Variants in GABBR1 observed in about 807,000 individuals in gnomAD.
GABBR1 encodes the protein GABA-B receptor, R1 subunit.
GABBR1 carries 35 observed loss-of-function variants against 117.7 expected under a neutral mutation model. That is an observed-to-expected ratio of 0.30 (90% CI 0.23 to 0.39). GABBR1 has a LOEUF of 0.39. Ranked by LOEUF, GABBR1 falls within the 10% of genes least tolerant of loss-of-function variation. The pLI is 1.00. For missense variants in GABBR1, 709 were observed against 1,241.8 expected, an observed-to-expected ratio of 0.57 and a Z score of 6.45; for synonymous variants, 442 against 486.6, an observed-to-expected ratio of 0.91 and a Z score of 1.21.
In GABBR1 at chr6:29,608,727, G is replaced by C; in HGVS notation, c.1866C>G (p.Ile622Met). ...FNIYNSHVRY[I>M]QNSQPNLNNL... ...TGTTCAGGTTGGGCTGTGAGTTCTG[G>C]ATATAACTAGGGCAGAGGTGGAGAG... Residue 622 changes from isoleucine (I) to methionine (M), a missense_variant, in exon 16 of 23, where the codon ATC (isoleucine) becomes ATG (methionine). By Grantham distance (10) the Ile-to-Met change is conservative. Transcript: ENST00000377034. 1 of 1,613,028 alleles carries C rather than the reference G, an allele frequency of 6.2e-7. No homozygotes were observed. Among genetic ancestry groups the C allele is most frequent in the Non-Finnish European group, 8.5e-7 (1 of 1,179,988 alleles).
In GABBR1 at chr6:29,632,275, C is replaced by A. The variant is rs371656764; in HGVS notation, c.85+26G>T. On this transcript the variant is annotated intron_variant, in intron 2 of 22. Coordinates refer to ENST00000377034, the MANE Select transcript of GABBR1 (RefSeq NM_001470.4). The surrounding 1 kb of genome is among the most constrained non-coding windows in gnomAD (Gnocchi z 5.8). ...GAAAGGGAAGTGGAGCGAAGGAGGGCCGGAGGTCGTCGAAGAAGGATGCAC... is the reference window on the plus strand; with the variant it reads ...GAAAGGGAAGTGGAGCGAAGGAGGGACGGAGGTCGTCGAAGAAGGATGCAC... 2.0e-5 allele frequency: 27 copies of A among 1,331,608 alleles called. No individual in the cohort carries two copies. Among genetic ancestry groups the A allele is most frequent in the Non-Finnish European group, 2.6e-5 (26 of 1,017,234 alleles). 82.5% of individuals were successfully genotyped at this position (1,331,608 alleles called of 1,614,324 possible). A position where few individuals can be genotyped will look rare whatever the true frequency, so the allele number is the denominator to read the frequency against.
Position 29,606,819 on chromosome 6 carries a change from CA to C in GABBR1, c.2217+77del. The C allele has an allele frequency of 2.6e-6, 3 of 1,171,704 alleles. No homozygotes were observed. Among genetic ancestry groups the C allele is most frequent in the Non-Finnish European group, 3.7e-6 (3 of 811,406 alleles). 72.6% of individuals were successfully genotyped at this position (1,171,704 alleles called of 1,614,324 possible). ...CTCCAAGTAGCTTCATCCCTCAAGA[CA>C]CACACAGCCCCAGGGCCCTGATGGC... On this transcript the variant is annotated intron_variant, in intron 18 of 22. Transcript: ENST00000377034. The surrounding 1 kb of genome is among the most constrained non-coding windows in gnomAD (Gnocchi z 4.5).
At chr6:29,629,855 C>T (rs1352127782) in intron 4 of GABBR1, 1 of 152,592 alleles carries the variant, frequency 6.6e-6, no homozygotes. Context: ...CACTGATTCC[C>T]TTAGGGAATA....
At position 29,623,605 on chromosome 6, in the gene GABBR1, T is replaced by C; in HGVS notation, c.793-130A>G. Reference sequence around the variant, plus strand: ...TACTCTCTCCAAACCTCCCCACCTCTGGTCTGCCTAAGGAAAAGAGATTCT... The same window carrying C: ...TACTCTCTCCAAACCTCCCCACCTCCGGTCTGCCTAAGGAAAAGAGATTCT... On this transcript the variant is annotated intron_variant, in intron 7 of 22. Transcript: ENST00000377034. The surrounding 1 kb of genome is among the most constrained non-coding windows in gnomAD (Gnocchi z 6.2). The C allele has an allele frequency of 1.1e-6, 1 of 911,072 alleles. No homozygotes were observed. The highest frequency in any genetic ancestry group is 1.6e-6 in the Non-Finnish European group (1 of 609,758). The allele number at this position is 911,072 out of a possible 1,614,324, so 56.4% of individuals were successfully genotyped here.
At chr6:29,618,375 G>A (rs1427136946) in intron 11 of GABBR1, among the ~76,000 whole-genome samples, 1 of 152,156 alleles carries the variant, frequency 6.6e-6, no homozygotes. Flanking sequence ...CTTCCCCCTT[G>A]AGTCAGTAAA....
Position 29,613,227 on chromosome 6 carries a change from G to A in GABBR1, c.1566+16C>T. 6.2e-7 allele frequency: 1 copy of A among 1,610,824 alleles called. No individual in the cohort carries two copies. Among genetic ancestry groups the A allele is most frequent in the Non-Finnish European group, 8.5e-7 (1 of 1,178,086 alleles). ...GATTGGGAAGACAGGGGAGTATGAA[G>A]GAAGTTTTAACTCACAGAGACACCC... On this transcript the variant is annotated intron_variant, in intron 12 of 22. Coordinates refer to ENST00000377034, the MANE Select transcript of GABBR1 (RefSeq NM_001470.4). The surrounding 1 kb of genome is among the most constrained non-coding windows in gnomAD (Gnocchi z 4.1).
chr6:29,629,174 C>T, intron 4 of GABBR1, 67 bp from the exon 5 acceptor site: 1 of 1,569,954 alleles, frequency 6.4e-7, no homozygotes, highest in Non-Finnish European at 8.8e-7. Context: ...TGGCCTGATC[C>T]CCAGCCCCCT....
rs1761888986 is a variant in GABBR1, at chr6:29,605,819, C to A, written c.2312-123G>T. ...AAGGGGGCCCTCCTCTCCAATCCAACCCCTCTGACCTAGCAAACCTCACCC... is the reference window on the plus strand; with the variant it reads ...AAGGGGGCCCTCCTCTCCAATCCAAACCCTCTGACCTAGCAAACCTCACCC... On this transcript the variant is annotated intron_variant, in intron 19 of 22. Transcript: ENST00000377034. This position sits in a 1 kb window ranked among gnomAD's most constrained non-coding sequence, Gnocchi z 4.2. 2 of 1,192,442 alleles carry A rather than the reference C, an allele frequency of 1.7e-6. No individual in the cohort carries two copies. Among genetic ancestry groups the A allele is most frequent in the Admixed American group, 4.6e-5 (2 of 43,418 alleles). 73.9% of individuals were successfully genotyped at this position (1,192,442 alleles called of 1,614,324 possible). A position where few individuals can be genotyped will look rare whatever the true frequency, so the allele number is the denominator to read the frequency against.
At position 29,611,324 on chromosome 6, in the gene GABBR1, G is replaced by A; in HGVS notation, c.1631-323C>T. Among the ~76,000 whole-genome samples the A allele has an allele frequency of 6.6e-6, 1 of 152,090 alleles. No homozygotes were observed. Among genetic ancestry groups the A allele is most frequent in the East Asian group, 1.9e-4 (1 of 5,196 alleles). ...GCGAGATGTCTCTCACTTTGATTTT[G>A]GCTTCTAAAGCTTTACACATATTTC... On this transcript the variant is annotated intron_variant, in intron 13 of 22. Transcript: ENST00000377034. This position sits in a 1 kb window ranked among gnomAD's most constrained non-coding sequence, Gnocchi z 4.6.
At chr6:29,612,516 C>A in intron 13 of GABBR1, 35 bp downstream of exon 13, 1 of 1,599,478 alleles carries the variant, frequency 6.3e-7, no homozygotes, top group Non-Finnish European at 8.6e-7. Context: ...CCAGCCTAGC[C>A]CCCATGTCCG....
chr6:29,607,656 C>T lies in GABBR1; in HGVS notation c.1993-438G>A, dbSNP rs1335854497. Among the ~76,000 whole-genome samples the T allele has an allele frequency of 2.0e-5, 3 of 152,234 alleles. No homozygotes were observed. The East Asian group carries it at 5.8e-4, about 29-fold the overall frequency. ...TACTCACTTTCTCTTCATCTACTCT[C>T]TTTCATGTATTTTCTAGCCACACGA... On this transcript the variant is annotated intron_variant, in intron 16 of 22. Transcript: ENST00000377034. This position sits in a 1 kb window ranked among gnomAD's most constrained non-coding sequence, Gnocchi z 5.0.
At chr6:29,603,829 T>C (rs1761665652) in intron 22 of GABBR1, 113 bp from the exon 23 acceptor site, 3 of 701,176 alleles carry the variant, frequency 4.3e-6, no homozygotes, top group Non-Finnish European at 6.3e-6. Flanking sequence ...CAGAAAAATG[T>C]AGGGGGAGGA....
Position 29,623,894 on chromosome 6 carries a change from A to G in GABBR1, c.788T>C (p.Ile263Thr), listed in dbSNP as rs779240232. The change falls in exon 7 of 23, where the codon ATT (isoleucine) becomes ACT (threonine). Residue 263 changes from isoleucine (I) to threonine (T), a missense_variant. This residue lies in a region of GABBR1 where 192 missense variants were observed against 418.4 expected (regional missense o/e 0.46). Coordinates refer to ENST00000377034, the MANE Select transcript of GABBR1 (RefSeq NM_001470.4). This position sits in a 1 kb window ranked among gnomAD's most constrained non-coding sequence, Gnocchi z 6.2. Reference protein sequence around the residue: ...VAEAARMWNLIVLSYGSSSPA... With the variant: ...VAEAARMWNLTVLSYGSSSPA... The stretch of plus-strand genomic sequence containing the variant: ...GACCCCCATAGCCCTGCTTACCACA[A>G]TGAGGTTCCACATCCTAGCAGCCTC... The G allele has an allele frequency of 3.1e-6, 5 of 1,612,654 alleles. No homozygotes were observed. Among genetic ancestry groups the G allele is most frequent in the Non-Finnish European group, 4.2e-6 (5 of 1,179,824 alleles).
chr6:29,604,855 C>T lies in GABBR1; in HGVS notation c.2568+5G>A. The T allele has an allele frequency of 1.2e-6, 2 of 1,611,338 alleles. No homozygotes were observed. Among genetic ancestry groups the T allele is most frequent in the Non-Finnish European group, 1.7e-6 (2 of 1,179,086 alleles). ...AAGAGGGTGGGAGAAAAGCCAGATC[C>T]TTACCTTGGGCACAAAGAGCACAAC... On this transcript the variant is annotated splice_donor_5th_base_variant and intron_variant, in intron 21 of 22. Coordinates refer to ENST00000377034, the MANE Select transcript of GABBR1 (RefSeq NM_001470.4). This position sits in a 1 kb window ranked among gnomAD's most constrained non-coding sequence, Gnocchi z 5.3.
In GABBR1 at chr6:29,621,387, G is replaced by C. The variant is rs1272060002; in HGVS notation, c.1132-95C>G. 1 of 958,814 alleles carries C rather than the reference G, an allele frequency of 1.0e-6. No individual in the cohort carries two copies. Among genetic ancestry groups the C allele is most frequent in the East Asian group, 2.5e-5 (1 of 39,320 alleles). The allele number at this position is 958,814 out of a possible 1,614,324, so 59.4% of individuals were successfully genotyped here. Reference sequence around the variant, plus strand: ...ACTATTTAGCCTCTTGGGAATCAGGGAAGAGCAGTAGAACTAAAAAGAGAA... The same window carrying C: ...ACTATTTAGCCTCTTGGGAATCAGGCAAGAGCAGTAGAACTAAAAAGAGAA... On this transcript the variant is annotated intron_variant, in intron 10 of 22. Transcript: ENST00000377034. The surrounding 1 kb of genome is among the most constrained non-coding windows in gnomAD (Gnocchi z 5.0).
rs1762729277 is a variant in GABBR1 at position 29,613,155 on chromosome 6, CAG to C, written c.1566+86_1566+87del. The C allele has an allele frequency of 1.4e-6, 2 of 1,387,866 alleles. No homozygotes were observed. Among genetic ancestry groups the C allele is most frequent in the Non-Finnish European group, 2.0e-6 (2 of 996,076 alleles). 86.0% of individuals were successfully genotyped at this position (1,387,866 alleles called of 1,614,324 possible). A position where few individuals can be genotyped will look rare whatever the true frequency, so the allele number is the denominator to read the frequency against. ...TCTGCAAAGAAGTAACTGAGAAAAA[CAG>C]AGAATGCATGTTTGTAGAAGGTGCC... is the stretch of plus-strand genomic sequence containing the variant. On this transcript the variant is annotated intron_variant, in intron 12 of 22. Transcript: ENST00000377034. The surrounding 1 kb of genome is among the most constrained non-coding windows in gnomAD (Gnocchi z 4.1).
chr6:29,603,755 G>A, intron 22 of GABBR1, 39 bp from the exon 23 acceptor site: 3 of 1,429,314 alleles, frequency 2.1e-6, no homozygotes, highest in Non-Finnish European at 2.8e-6. Context: ...AGGAGAAGAG[G>A]AGGTGATGAA....
At position 29,603,620 on chromosome 6, in the gene GABBR1, C is replaced by T. The variant is rs567694042; in HGVS notation, c.2809G>A (p.Gly937Ser). 6.4e-6 allele frequency: 10 copies of T among 1,559,802 alleles called. No individual in the cohort carries two copies. In the South Asian group the frequency reaches 7.4e-5, roughly 11 times the overall value. The change falls in exon 23 of 23, where the codon GGC (glycine) becomes AGC (serine). Residue 937 changes from glycine to serine, a missense_variant. Physicochemically the swap from Gly to Ser is moderately conservative, Grantham distance 56. This residue lies in a region of GABBR1 where 69 missense variants were observed against 64.3 expected (regional missense o/e 1.07). Transcript: ENST00000377034. ...GGCTCAGGGGGTCCCCTGGGCAGGC[C>T]CCCAGAGGGTTCTGGGGGTGTCGGT... Reference protein sequence around the residue: ...HPPTPPEPSGGLPRGPPEPPD... With the variant: ...HPPTPPEPSGSLPRGPPEPPD...
chr6:29,618,781 C>G (rs961589480), intron 11 of GABBR1, among the ~76,000 whole-genome samples: 17 of 152,196 alleles, frequency 1.1e-4, no homozygotes, highest in Non-Finnish European at 2.2e-4. Context: ...ATTCTCTGCA[C>G]TATTAACATT....
Sources: allele counts gnomAD v4.1 joint callset (sites outside exome capture counted in the v4.1 genomes callset), GRCh38; gene constraint gnomAD v4.1.1; regional missense constraint gnomAD v4.1.1; non-coding constraint Gnocchi (gnomAD v3.1); transcripts MANE v1.5; gene names NCBI Gene and HGNC (gene_info 2026-07-23, HGNC 2026-07-21).